Variants in TULP4 observed in about 807,000 individuals in gnomAD.
TULP4 encodes the protein tubby-related protein 4.
TULP4 carries 16 observed loss-of-function variants against 129.0 expected under a neutral mutation model. The observed-to-expected ratio is 0.12, with a 90% confidence interval of 0.08 to 0.19. The LOEUF (loss-of-function observed/expected upper bound fraction) is 0.19. TULP4 is among the 10% of genes least tolerant of loss of function. The pLI is 1.00. For missense variants in TULP4, 1,842 were observed against 2,059.1 expected (o/e 0.89, Z 2.04); for synonymous variants, 998 against 854.0 (o/e 1.17, Z -2.94).
intron 1 of TULP4, among the ~76,000 whole-genome samples, chr6:158,294,411 C>T (rs1472909649): frequency 6.6e-6 from 1 of 151,776 alleles, no homozygotes; most frequent in Non-Finnish European, 1.5e-5. Context: ...GTCATAGTTA[C>T]TTTATTTAAA....
At chr6:158,244,245 C>T (rs555229821) in intron 1 of TULP4, among the ~76,000 whole-genome samples, 16 of 152,100 alleles carry the variant, frequency 1.1e-4, no homozygotes, top group South Asian at 6.2e-4. Context: ...GTTTCAGGTT[C>T]GTCCTGTATA....
intron 6 of TULP4, among the ~76,000 whole-genome samples, chr6:158,468,243 T>TA (rs1196877241): frequency 6.6e-6 from 1 of 152,240 alleles, no homozygotes; most frequent in Non-Finnish European, 1.5e-5. Context: ...AGGTTAGTCT[T>TA]AAGATTATAT....
chr6:158,385,611 T>C (rs1777421885), intron 1 of TULP4, among the ~76,000 whole-genome samples: 1 of 150,550 alleles, frequency 6.6e-6, no homozygotes, highest in Admixed American at 6.6e-5. Flanking sequence ...TGTACACATA[T>C]AATTATATAC....
intron 1 of TULP4, among the ~76,000 whole-genome samples, chr6:158,368,696 GTT>G (rs1339361270): frequency 7.2e-5 from 11 of 152,198 alleles, no homozygotes; most frequent in African/African-American, 2.7e-4. Flanking sequence ...ATCCATCCCA[GTT>G]ATGAAAGCAA....
At chr6:158,245,866 C>T (rs1778018994) in intron 1 of TULP4, among the ~76,000 whole-genome samples, 1 of 152,036 alleles carries the variant, frequency 6.6e-6, no homozygotes, top group Non-Finnish European at 1.5e-5. Context: ...AAGGCTGAGC[C>T]GAGAGGATCT....
chr6:158,256,546 T>C (rs262824), intron 1 of TULP4, among the ~76,000 whole-genome samples: 4 of 152,170 alleles, frequency 2.6e-5, no homozygotes, highest in Non-Finnish European at 1.5e-5. Context: ...AATAAAATGT[T>C]GAGGATGTAT....
intron 3 of TULP4, among the ~76,000 whole-genome samples, chr6:158,444,138 T>C (rs1025877761): frequency 7.8e-6 from 1 of 128,614 alleles, no homozygotes; most frequent in East Asian, 2.4e-4. Flanking sequence ...GAGAATGGCA[T>C]GAACCTGGGA....
At chr6:158,478,908 G>C (rs757340538) in intron 6 of TULP4, among the ~76,000 whole-genome samples, 1 of 152,140 alleles carries the variant, frequency 6.6e-6, no homozygotes, top group East Asian at 1.9e-4. Flanking sequence ...CAGGAACCGT[G>C]TTCTCCTCAA....
chr6:158,308,768 C>T (rs1475158211), upstream of TULP4, among the ~76,000 whole-genome samples: 2 of 140,878 alleles, frequency 1.4e-5, no homozygotes, highest in East Asian at 4.6e-4. Context: ...CTGACCCCCC[C>T]ACCTCCCTCC....
At chr6:158,353,210 C>G (rs781018769) in intron 1 of TULP4, among the ~76,000 whole-genome samples, 240 of 152,286 alleles carry the variant, frequency 1.6e-3, no homozygotes, top group Non-Finnish European at 3.8e-4. Flanking sequence ...GCTCTTTCCA[C>G]AGAGTTTTTG....
At chr6:158,365,899 C>G (rs9688710) in intron 1 of TULP4, among the ~76,000 whole-genome samples, 2 of 57,554 alleles carry the variant, frequency 3.5e-5, no homozygotes, top group South Asian at 1.1e-3. Flanking sequence ...CTTTTTCTTT[C>G]TTTTTTTTTT....
In TULP4 at chr6:158,314,048, T is replaced by G; in HGVS notation, c.32T>G (p.Leu11Arg). Residue 11 changes from leucine (L) to arginine (R), a missense_variant, in exon 1 of 14, where the codon CTT becomes CGT. Leu to Arg is a moderately radical substitution (Grantham distance 102). Transcript: ENST00000367097. Reference protein sequence around the residue: MYAAVEHGPVLCSDSNILCLS... With the variant: MYAAVEHGPVRCSDSNILCLS... ...GCAGCAGTGGAACATGGGCCTGTGCTTTGCAGCGATTCCAACATCCTGTGC... is the reference window on the plus strand; with the variant it reads ...GCAGCAGTGGAACATGGGCCTGTGCGTTGCAGCGATTCCAACATCCTGTGC... 6.2e-7 allele frequency: 1 copy of G among 1,614,216 alleles called. No homozygotes were observed. Among genetic ancestry groups the G allele is most frequent in the South Asian group, 1.1e-5 (1 of 91,084 alleles).
intron 12 of TULP4, 124 bp from the exon 13 acceptor site, chr6:158,501,554 T>G: frequency 2.0e-6 from 2 of 985,808 alleles, no homozygotes; most frequent in Non-Finnish European, 2.9e-6. Flanking sequence ...GACACGTCTC[T>G]GTCTCTGGCA....
At chr6:158,270,737 A>G (rs968171771) in intron 1 of TULP4, among the ~76,000 whole-genome samples, 1 of 152,210 alleles carries the variant, frequency 6.6e-6, no homozygotes, top group Non-Finnish European at 1.5e-5. Flanking sequence ...TTTCCTTCAC[A>G]GATGAAATTG....
intron 1 of TULP4, among the ~76,000 whole-genome samples, chr6:158,245,694 A>G (rs1778016483): frequency 6.6e-6 from 1 of 152,220 alleles, no homozygotes; most frequent in East Asian, 1.9e-4. Context: ...AATGGATTAT[A>G]TTACCTTCCT....
chr6:158,470,464 G>A (rs1367216176), intron 6 of TULP4, among the ~76,000 whole-genome samples: 4 of 152,242 alleles, frequency 2.6e-5, no homozygotes, highest in Non-Finnish European at 5.9e-5. Context: ...GGCAAGAGAT[G>A]ATTGGCTATT....
chr6:158,481,066 A>G lies in TULP4; in HGVS notation c.1263A>G (p.Pro421=). The change falls in exon 8 of 14, where the codon CCA becomes CCG. Residue 421 remains proline (P), a synonymous_variant. Coordinates refer to ENST00000367097, the MANE Select transcript of TULP4 (RefSeq NM_020245.5). ...CCTGTATCCTCCAGCCCCCAATTCC[A>G]GATCCGAACAACATGAGAGACTTTG... The part of the protein sequence containing the change: ...AFIPTIKPPI[P]DPNNMRDFVS... The G allele has an allele frequency of 6.4e-7, 1 of 1,566,528 alleles. No homozygotes were observed. The highest frequency in any genetic ancestry group is 8.7e-7 in the Non-Finnish European group (1 of 1,152,584).
intron 1 of TULP4, among the ~76,000 whole-genome samples, chr6:158,295,137 C>T (rs1204722770): frequency 1.3e-5 from 2 of 152,150 alleles, no homozygotes; most frequent in African/African-American, 4.8e-5. Context: ...TCATCTGACA[C>T]GTGTATATTT....
At chr6:158,480,268 T>C (rs1287787963) in intron 7 of TULP4, among the ~76,000 whole-genome samples, 1 of 152,258 alleles carries the variant, frequency 6.6e-6, no homozygotes, top group Non-Finnish European at 1.5e-5. Flanking sequence ...ATTTCCTATA[T>C]ACTAAGCATT....
Sources: gnomAD v4.1 joint callset for allele counts (sites outside exome capture counted in the v4.1 genomes callset) on GRCh38, gnomAD v4.1.1 for gene constraint, MANE v1.5 for transcripts, NCBI Gene and HGNC (gene_info 2026-07-23, HGNC 2026-07-21) for gene names.